Variants in NLGN1 observed in about 807,000 individuals in gnomAD.
The protein encoded by NLGN1 is neuroligin 1, also known as neuroligin-1.
A neutral mutation model predicts 65.5 loss-of-function variants in NLGN1; 12 were observed. The observed-to-expected ratio is 0.18, with a 90% CI of 0.12 to 0.30. The LOEUF (loss-of-function observed/expected upper bound fraction) is 0.30. Among genes scored for constraint, NLGN1 ranks in the 10% least tolerant of loss-of-function variants. The probability of loss-of-function intolerance (pLI) is 1.00; values close to 1 mark genes in which losing one functional copy is unlikely to be tolerated. For synonymous variants in NLGN1, 350 were observed against 359.5 expected, an observed-to-expected ratio of 0.97 and a Z score of 0.30; for missense variants, 750 against 1,007.1, an observed-to-expected ratio of 0.74 and a Z score of 3.46.
At chr3:173,599,484 G>A (rs1750078769) in intron 2 of NLGN1, among the ~76,000 whole-genome samples, 1 of 152,074 alleles carries the variant, frequency 6.6e-6, no homozygotes, top group South Asian at 2.1e-4. Context: ...TCAGTAATCA[G>A]GTTCTCTTAC....
chr3:173,964,500 C>T (rs528130665), intron 4 of NLGN1, among the ~76,000 whole-genome samples: 1 of 152,112 alleles, frequency 6.6e-6, no homozygotes, highest in East Asian at 1.9e-4. Flanking sequence ...TTCTGGTACA[C>T]CAGGAAACAC....
chr3:173,735,932 A>G (rs1773672923), intron 3 of NLGN1, among the ~76,000 whole-genome samples: 1 of 152,070 alleles, frequency 6.6e-6, no homozygotes, highest in African/African-American at 2.4e-5. Context: ...ATGTTATAAA[A>G]ATATATATTT....
At chr3:173,617,421 A>G (rs1055610159) in intron 3 of NLGN1, among the ~76,000 whole-genome samples, 1 of 152,208 alleles carries the variant, frequency 6.6e-6, no homozygotes, top group Non-Finnish European at 1.5e-5. Flanking sequence ...AAACAATGCA[A>G]TTTGTTGGAG....
At chr3:174,066,033 A>G (rs1738473110) in intron 4 of NLGN1, among the ~76,000 whole-genome samples, 2 of 152,204 alleles carry the variant, frequency 1.3e-5, no homozygotes, top group South Asian at 2.1e-4. Context: ...AATTTGTTAC[A>G]CAGCATTACT....
intron 2 of NLGN1, among the ~76,000 whole-genome samples, chr3:173,550,134 A>G (rs1740591789): frequency 6.6e-6 from 1 of 152,082 alleles, no homozygotes; most frequent in Admixed American, 6.5e-5. Context: ...ATGCCATACA[A>G]TATGGCAGCT....
At chr3:173,568,731 A>AT (rs1205559435) in intron 2 of NLGN1, among the ~76,000 whole-genome samples, 1 of 152,072 alleles carries the variant, frequency 6.6e-6, no homozygotes, top group African/African-American at 2.4e-5. Flanking sequence ...GCTGGAGTGC[A>AT]TTGGCACTAT....
At chr3:174,125,883 C>T (rs936175106) in intron 4 of NLGN1, among the ~76,000 whole-genome samples, 5 of 151,980 alleles carry the variant, frequency 3.3e-5, no homozygotes, top group African/African-American at 7.3e-5. Flanking sequence ...AACTACTATG[C>T]GGTTAAGTCA....
In NLGN1 at chr3:173,482,306, G is replaced by GGACC. The variant is rs1727427510; in HGVS notation, c.-321+47228_-321+47229insGACC. On this transcript the variant is annotated intron_variant, in intron 2 of 6. Transcript: ENST00000457714. ...TCCTTTATATGTGTGAGAGGAGGAC[G>GGACC]TCAACATTTCTTTCCAGAGTACTTT... Among the ~76,000 whole-genome samples the GGACC allele has an allele frequency of 1.1e-4, 17 of 151,708 alleles. No individual in the cohort carries two copies. The South Asian group carries it at 3.5e-3, about 31-fold the overall frequency.
chr3:173,583,707 TA>T (rs1746781238), intron 2 of NLGN1, among the ~76,000 whole-genome samples: 1 of 152,164 alleles, frequency 6.6e-6, no homozygotes, highest in Non-Finnish European at 1.5e-5. Flanking sequence ...TCGGAAATGC[TA>T]GGGGTAATCT....
intron 3 of NLGN1, among the ~76,000 whole-genome samples, chr3:173,715,864 T>C (rs942841074): frequency 1.4e-4 from 21 of 146,728 alleles, no homozygotes; most frequent in African/African-American, 4.4e-4. Flanking sequence ...CACAACATTA[T>C]GAAAACAGGA....
chr3:173,678,742 C>A (rs1249267481), intron 3 of NLGN1, among the ~76,000 whole-genome samples: 1 of 151,868 alleles, frequency 6.6e-6, no homozygotes, highest in Non-Finnish European at 1.5e-5. Flanking sequence ...AAATGATTAC[C>A]CTGCCAACAA....
At chr3:173,472,064 G>A (rs952007927) in intron 2 of NLGN1, among the ~76,000 whole-genome samples, 4 of 152,106 alleles carry the variant, frequency 2.6e-5, no homozygotes, top group Non-Finnish European at 5.9e-5. Flanking sequence ...AGGTATCATA[G>A]CATTTAGGGA....
chr3:173,884,789 T>G (rs537964808), intron 4 of NLGN1, among the ~76,000 whole-genome samples: 1 of 152,332 alleles, frequency 6.6e-6, no homozygotes, highest in Non-Finnish European at 1.5e-5. Context: ...AATTGAAATT[T>G]ATTTCTCACG....
At chr3:174,157,026 T>G (rs146067741) in intron 4 of NLGN1, among the ~76,000 whole-genome samples, 81 of 150,146 alleles carry the variant, frequency 5.4e-4, no homozygotes, top group Middle Eastern at 3.5e-3. Flanking sequence ...AAAAAATATA[T>G]GTATATATAT....
chr3:174,274,955 C>A (rs2152885666), intron 4 of NLGN1, among the ~76,000 whole-genome samples: 1 of 151,894 alleles, frequency 6.6e-6, no homozygotes, highest in East Asian at 2.0e-4. Context: ...GTGTTTTCTG[C>A]AAGATACACG....
chr3:173,581,819 A>G (rs1360546436), intron 2 of NLGN1, among the ~76,000 whole-genome samples: 1 of 152,006 alleles, frequency 6.6e-6, no homozygotes, highest in African/African-American at 2.4e-5. Flanking sequence ...TTTAATTTTA[A>G]TAAAATATTT....
At chr3:173,899,884 A>G (rs981201400) in intron 4 of NLGN1, among the ~76,000 whole-genome samples, 11 of 152,242 alleles carry the variant, frequency 7.2e-5, no homozygotes, top group Non-Finnish European at 7.4e-5. Flanking sequence ...CGAGATCAAC[A>G]ATTTTCTTAA....
intron 2 of NLGN1, among the ~76,000 whole-genome samples, chr3:173,571,118 T>C (rs536482658): frequency 7.3e-4 from 111 of 152,324 alleles, no homozygotes; most frequent in Middle Eastern, 6.8e-3. Flanking sequence ...ATAGCAGTGT[T>C]TACTATTAGA....
chr3:173,647,598 C>T (rs1315506106), intron 3 of NLGN1, among the ~76,000 whole-genome samples: 2 of 151,908 alleles, frequency 1.3e-5, no homozygotes, highest in African/African-American at 4.8e-5. Flanking sequence ...AAAAATAAAT[C>T]AGAATAAAAA....
Sources: allele counts gnomAD v4.1 joint callset (sites outside exome capture counted in the v4.1 genomes callset), GRCh38; gene constraint gnomAD v4.1.1; transcripts MANE v1.5; gene names NCBI Gene and HGNC (gene_info 2026-07-23, HGNC 2026-07-21).